Variants in NALCN observed in about 807,000 individuals in gnomAD.
The protein encoded by NALCN is sodium leak channel NALCN.
In NALCN, 111 loss-of-function variants were observed where a neutral mutation model predicts 225.3. That is an observed-to-expected ratio of 0.49 (90% CI 0.42 to 0.58). The LOEUF (loss-of-function observed/expected upper bound fraction) is 0.58, where lower values mean the gene tolerates loss of function less well. Ranked by LOEUF, NALCN falls within the 20% of genes least tolerant of loss-of-function variation. The pLI is 0.00. For synonymous variants in NALCN, 764 were observed against 769.0 expected (o/e 0.99, Z 0.11); for missense variants, 1,378 against 2,202.4 (o/e 0.63, Z 7.49).
intron 1 of NALCN, among the ~76,000 whole-genome samples, chr13:101,409,007 T>C (rs2047703445): frequency 6.6e-6 from 1 of 152,218 alleles, no homozygotes; most frequent in Non-Finnish European, 1.5e-5. Context: ...TTTTCTCTGG[T>C]TATTTCTAGA....
intron 13 of NALCN, among the ~76,000 whole-genome samples, chr13:101,211,422 T>C (rs1000340521): frequency 6.6e-6 from 1 of 152,066 alleles, no homozygotes; most frequent in African/African-American, 2.4e-5. Context: ...GGACCAATGA[T>C]ATTAATATAC....
upstream of NALCN, chr13:101,416,515 C>A (rs1414994273): frequency 6.6e-6 from 1 of 151,826 alleles, no homozygotes; most frequent in African/African-American, 2.4e-5. Context: ...CACTGAGCGC[C>A]GCCGCCGCCG....
chr13:101,165,089 C>T (rs1008704431), intron 15 of NALCN, among the ~76,000 whole-genome samples: 1 of 152,178 alleles, frequency 6.6e-6, no homozygotes, highest in Non-Finnish European at 1.5e-5. Context: ...TTTCCAGCTG[C>T]TTTTGCTTCC....
chr13:101,177,272 G>A (rs1390105914), intron 14 of NALCN, among the ~76,000 whole-genome samples: 1 of 152,060 alleles, frequency 6.6e-6, no homozygotes, highest in African/African-American at 2.4e-5. Context: ...TCCCAACCTT[G>A]AGAAACTAAT....
intron 15 of NALCN, among the ~76,000 whole-genome samples, chr13:101,173,307 C>G (rs9518328): frequency 6.6e-6 from 1 of 151,956 alleles, no homozygotes; most frequent in Non-Finnish European, 1.5e-5. Flanking sequence ...CCTATGAGTG[C>G]CCTCCCCAGT....
chr13:101,264,771 G>T (rs1433204105), intron 10 of NALCN, among the ~76,000 whole-genome samples: 4 of 152,260 alleles, frequency 2.6e-5, no homozygotes, highest in Admixed American at 1.3e-4. Context: ...AATGTAATAT[G>T]TTGGACTACA....
chr13:101,292,694 TAC>T lies in NALCN; in HGVS notation c.800-330_800-329del, dbSNP rs1176557781. 3.9e-5 allele frequency among the ~76,000 whole-genome samples: 6 copies of T among 152,208 alleles called. No individual in the cohort carries two copies. The highest frequency in any genetic ancestry group is 1.4e-4 in the African/African-American group (6 of 41,462). ...TATGTATAATTAAAAAAAGGATATG[TAC>T]CATTTAAGCTTGCCACTTGGAGCCT... On this transcript the variant is annotated intron_variant, in intron 7 of 43. Coordinates refer to ENST00000251127, the MANE Select transcript of NALCN (RefSeq NM_052867.4). The surrounding 1 kb of genome is among the most constrained non-coding windows in gnomAD (Gnocchi z 4.3).
At chr13:101,392,553 T>C (rs534415046) in intron 3 of NALCN, among the ~76,000 whole-genome samples, 49 of 152,300 alleles carry the variant, frequency 3.2e-4, no homozygotes, top group Middle Eastern at 3.4e-3. Context: ...AACTAGTTAA[T>C]GAAGAAACAC....
At chr13:101,391,392 GAC>G (rs1280731137) in intron 3 of NALCN, among the ~76,000 whole-genome samples, 2 of 152,186 alleles carry the variant, frequency 1.3e-5, no homozygotes, top group Admixed American at 6.5e-5. Flanking sequence ...GTCTGAAACA[GAC>G]AGTTTTGACT....
chr13:101,400,137 A>G lies in NALCN; in HGVS notation c.-39-972T>C, dbSNP rs1350066343. On this transcript the variant is annotated intron_variant, in intron 1 of 43. Coordinates refer to ENST00000251127, the MANE Select transcript of NALCN (RefSeq NM_052867.4). The stretch of plus-strand genomic sequence containing the variant: ...CAATGATATTTTATTTGATCTTTAC[A>G]ACAGCCCTAACCAAAAAAAAACAAA... Among the ~76,000 whole-genome samples, 8 of 151,184 alleles carry G rather than the reference A, an allele frequency of 5.3e-5. No individual in the cohort carries two copies. In the East Asian group the frequency reaches 1.2e-3, roughly 22 times the overall value.
chr13:101,073,961 C>T lies in NALCN; in HGVS notation c.4104-284G>A, dbSNP rs9554752. Among the ~76,000 whole-genome samples the T allele has an allele frequency of 0.33, 50,407 of 151,800 alleles. 9,152 individuals carry two copies. The highest frequency in any genetic ancestry group is 0.48 in the East Asian group (2,457 of 5,156). On this transcript the variant is annotated intron_variant, in intron 36 of 43. Coordinates refer to ENST00000251127, the MANE Select transcript of NALCN (RefSeq NM_052867.4). ...TAAGTGATTCCTTCTTTCACTTGGA[C>T]GATGCTATAAAAGGTGGGGCAGCCA...
intron 7 of NALCN, among the ~76,000 whole-genome samples, chr13:101,309,224 T>C (rs1196613627): frequency 6.6e-6 from 1 of 152,112 alleles, no homozygotes; most frequent in East Asian, 1.9e-4. Context: ...GTCTTAAGAA[T>C]AATACACACA....
At chr13:101,206,873 T>A (rs1016669538) in intron 13 of NALCN, among the ~76,000 whole-genome samples, 7 of 151,938 alleles carry the variant, frequency 4.6e-5, no homozygotes, top group Non-Finnish European at 8.8e-5. Context: ...GTAAAATTTT[T>A]AAAAATATTT....
At chr13:101,190,938 C>T (rs906542404) in intron 14 of NALCN, among the ~76,000 whole-genome samples, 2 of 152,164 alleles carry the variant, frequency 1.3e-5, no homozygotes, top group Non-Finnish European at 2.9e-5. Context: ...GACCTGGGAA[C>T]ACTCTGGTCA....
At chr13:101,144,486 G>A (rs188064201) in intron 16 of NALCN, among the ~76,000 whole-genome samples, 9 of 152,296 alleles carry the variant, frequency 5.9e-5, no homozygotes, top group African/African-American at 1.7e-4. Flanking sequence ...TCCCATTCCC[G>A]AGGAGTCATC....
intron 11 of NALCN, among the ~76,000 whole-genome samples, chr13:101,256,990 C>A (rs947141617): frequency 6.6e-6 from 1 of 152,086 alleles, no homozygotes; most frequent in Admixed American, 6.5e-5. Flanking sequence ...GTCTCGAACT[C>A]CTGACCTCGT....
chr13:101,228,443 C>T (rs1280847270), intron 13 of NALCN, among the ~76,000 whole-genome samples: 2 of 152,058 alleles, frequency 1.3e-5, no homozygotes, highest in Non-Finnish European at 2.9e-5. Flanking sequence ...GTGGAAGGGA[C>T]CAGGTGTGAG....
chr13:101,111,077 A>AC, intron 19 of NALCN, 48 bp downstream of exon 19: 1 of 1,559,628 alleles, frequency 6.4e-7, no homozygotes, highest in Non-Finnish European at 8.8e-7. Flanking sequence ...TTCCTGTAAA[A>AC]CCCCCCTTTT....
At chr13:101,266,215 A>G (rs1361984003) in intron 10 of NALCN, among the ~76,000 whole-genome samples, 1 of 152,186 alleles carries the variant, frequency 6.6e-6, no homozygotes, top group African/African-American at 2.4e-5. Flanking sequence ...CTTGGAAAGC[A>G]CTCTAAGGAT....
Sources: allele counts gnomAD v4.1 joint callset (sites outside exome capture counted in the v4.1 genomes callset), GRCh38; gene constraint gnomAD v4.1.1; non-coding constraint Gnocchi (gnomAD v3.1); transcripts MANE v1.5; gene names NCBI Gene and HGNC (gene_info 2026-07-23, HGNC 2026-07-21).